Variants in HECW2 observed in about 807,000 individuals in gnomAD.
HECW2 encodes the protein E3 ubiquitin-protein ligase HECW2.
In HECW2, 61 loss-of-function variants were observed where a neutral mutation model predicts 175.2. The ratio of observed to expected loss-of-function variants is 0.35; its 90% CI spans 0.28 to 0.43. HECW2 has a LOEUF of 0.43. HECW2 is among the 20% of genes least tolerant of loss of function. The pLI, the probability that HECW2 is intolerant of heterozygous loss-of-function variation, is 1.00. For missense variants in HECW2, 1,524 were observed against 2,000.5 expected, an observed-to-expected ratio of 0.76 and a Z score of 4.54; for synonymous variants, 671 against 731.0, an observed-to-expected ratio of 0.92 and a Z score of 1.32.
chr2:196,523,068 C>T (rs1329566457), intron 1 of HECW2, among the ~76,000 whole-genome samples: 1 of 151,612 alleles, frequency 6.6e-6, no homozygotes, highest in Non-Finnish European at 1.5e-5. Flanking sequence ...TTACCTTGGG[C>T]AGTATGGCCA....
At chr2:196,437,229 C>T (rs1695903533) in intron 1 of HECW2, among the ~76,000 whole-genome samples, 1 of 151,810 alleles carries the variant, frequency 6.6e-6, no homozygotes, top group Non-Finnish European at 1.5e-5. Flanking sequence ...AAAGAAACTA[C>T]CAAGGAAGAG....
intron 1 of HECW2, among the ~76,000 whole-genome samples, chr2:196,579,164 A>C (rs1047718487): frequency 6.6e-6 from 1 of 152,104 alleles, no homozygotes; most frequent in Non-Finnish European, 1.5e-5. Context: ...GTTAATTGTA[A>C]TCCCCAGAGC....
chr2:196,307,218 G>C lies in HECW2; in HGVS notation c.2601C>G (p.Arg867=). ...CAGGCCTCTCATTGGTCATGGTTCT[G>C]CGGATACTCTGATATCTAAAATCAT... ...EQLNRRYQSI[R]RTMTNERPEE... Residue 867 remains arginine (R), a synonymous_variant, in exon 12 of 29, where the codon CGC becomes CGG. Transcript: ENST00000644978. 1 of 1,610,972 alleles carries C rather than the reference G, an allele frequency of 6.2e-7. No individual in the cohort carries two copies. The highest frequency in any genetic ancestry group is 1.3e-5 in the African/African-American group (1 of 74,958).
At chr2:196,235,100 A>ATTTTTTT (rs35822849) in intron 21 of HECW2, among the ~76,000 whole-genome samples, 1 of 144,376 alleles carries the variant, frequency 6.9e-6, no homozygotes, top group African/African-American at 2.5e-5. Flanking sequence ...TTATTTTTGT[A>ATTTTTTT]TTTTTTTTTT....
In HECW2 at chr2:196,521,610, C is replaced by A. The variant is rs563645209; in HGVS notation, c.-36+71898G>T. Among the ~76,000 whole-genome samples, 415 of 147,404 alleles carry A rather than the reference C, an allele frequency of 2.8e-3. 1 individual carries two copies. Among genetic ancestry groups the A allele is most frequent in the African/African-American group, 9.8e-3 (391 of 40,088 alleles). The stretch of plus-strand genomic sequence containing the variant: ...ACTCATCATCTAGCATTAGGTATAT[C>A]TCCCAATGCTATCCCTCCCCCCTCC... On this transcript the variant is annotated intron_variant, in intron 1 of 28. Transcript: ENST00000644978.
intron 1 of HECW2, among the ~76,000 whole-genome samples, chr2:196,445,664 T>G (rs1696161299): frequency 6.6e-6 from 1 of 152,086 alleles, no homozygotes; most frequent in Admixed American, 6.6e-5. Context: ...CAAAAGGCAG[T>G]AAGAGAGCTC....
At chr2:196,407,867 G>A (rs1250092319) in intron 2 of HECW2, among the ~76,000 whole-genome samples, 7 of 152,244 alleles carry the variant, frequency 4.6e-5, no homozygotes, top group African/African-American at 1.7e-4. Context: ...GTGGTACCTT[G>A]TAGGTGTTAA....
chr2:196,486,224 C>A (rs1687000698), intron 1 of HECW2, among the ~76,000 whole-genome samples: 1 of 152,180 alleles, frequency 6.6e-6, no homozygotes, highest in East Asian at 1.9e-4. Context: ...AGAAAATGTT[C>A]TAGAAGTTCT....
At chr2:196,439,741 C>CT (rs1695985442) in intron 1 of HECW2, among the ~76,000 whole-genome samples, 1 of 151,982 alleles carries the variant, frequency 6.6e-6, no homozygotes, top group Admixed American at 6.6e-5. Flanking sequence ...ATTCCAGGGT[C>CT]TTGAGAAGAG....
intron 9 of HECW2, 132 bp from the exon 10 acceptor site, chr2:196,317,501 G>A (rs1366038240): frequency 1.5e-6 from 1 of 677,566 alleles, no homozygotes. Flanking sequence ...CCCATATGAG[G>A]ACCTAGAAAC....
At chr2:196,435,268 G>T (rs1006214487) in intron 1 of HECW2, among the ~76,000 whole-genome samples, 1 of 152,130 alleles carries the variant, frequency 6.6e-6, no homozygotes, top group East Asian at 1.9e-4. Context: ...TACCATAAAA[G>T]AATCCATAAT....
chr2:196,553,362 A>G (rs576478249), intron 1 of HECW2, among the ~76,000 whole-genome samples: 1 of 152,134 alleles, frequency 6.6e-6, no homozygotes, highest in Admixed American at 6.5e-5. Context: ...TGGCACTGAG[A>G]CTCTTTCAAG....
intron 2 of HECW2, among the ~76,000 whole-genome samples, chr2:196,372,319 T>C (rs1693929410): frequency 6.6e-6 from 1 of 152,238 alleles, no homozygotes. Context: ...CTAGTAAACT[T>C]TGAATCATAA....
At chr2:196,347,958 A>G (rs1693020403) in intron 2 of HECW2, among the ~76,000 whole-genome samples, 1 of 152,270 alleles carries the variant, frequency 6.6e-6, no homozygotes, top group Non-Finnish European at 1.5e-5. Context: ...TTAGGGACAC[A>G]GAGTTCACAT....
intron 2 of HECW2, among the ~76,000 whole-genome samples, chr2:196,431,083 C>G (rs1448301301): frequency 1.3e-5 from 2 of 152,098 alleles, no homozygotes; most frequent in Non-Finnish European, 2.9e-5. Context: ...AACAAAGACA[C>G]AATGATAACT....
At chr2:196,359,330 C>G (rs1049527910) in intron 2 of HECW2, among the ~76,000 whole-genome samples, 1 of 152,156 alleles carries the variant, frequency 6.6e-6, no homozygotes, top group Non-Finnish European at 1.5e-5. Context: ...CATCTGTAGT[C>G]CCAGCTACTC....
At chr2:196,567,622 C>T (rs12329384) in intron 1 of HECW2, among the ~76,000 whole-genome samples, 2,193 of 152,224 alleles carry the variant, frequency 0.014, 51 homozygotes, top group African/African-American at 0.051. Flanking sequence ...TGATGGAAAG[C>T]GCAGGAATTA....
chr2:196,526,672 C>G (rs1482779282), intron 1 of HECW2, among the ~76,000 whole-genome samples: 1 of 144,938 alleles, frequency 6.9e-6, no homozygotes, highest in East Asian at 1.9e-4. Flanking sequence ...GATGTCCTTT[C>G]TGTTTGTTAG....
chr2:196,385,338 C>G (rs1353929557), intron 2 of HECW2, among the ~76,000 whole-genome samples: 1 of 152,128 alleles, frequency 6.6e-6, no homozygotes, highest in East Asian at 1.9e-4. Flanking sequence ...GCTCTAGTTA[C>G]TTAATGAAAA....
Sources: allele counts gnomAD v4.1 joint callset (sites outside exome capture counted in the v4.1 genomes callset), GRCh38; gene constraint gnomAD v4.1.1; transcripts MANE v1.5; gene names NCBI Gene and HGNC (gene_info 2026-07-23, HGNC 2026-07-21).